The following KDM5B variants were observed in gnomAD, a reference collection of about 807,000 sequenced individuals.
KDM5B encodes lysine-specific demethylase 5B.
A neutral mutation model predicts 193.4 loss-of-function variants in KDM5B; 144 were observed. The ratio of observed to expected loss-of-function variants is 0.74; its 90% CI spans 0.65 to 0.86. The LOEUF (loss-of-function observed/expected upper bound fraction) is 0.86. KDM5B is among the 40% of genes least tolerant of loss of function. The probability of loss-of-function intolerance (pLI) is 0.00; values close to 1 mark genes in which losing one functional copy is unlikely to be tolerated. For missense variants in KDM5B, 1,833 were observed against 1,886.9 expected (o/e 0.97, Z 0.53); for synonymous variants, 668 against 682.6 (o/e 0.98, Z 0.33).
Position 202,808,144 on chromosome 1 carries a change from G to A in KDM5B, c.162C>T (p.Pro54=), listed in dbSNP as rs760290613. The change falls in exon 1 of 27, where the codon CCC becomes CCT. Residue 54 remains proline, a synonymous_variant. Transcript: ENST00000367265. ...TACAGATGCCAGTCTGCTCGGCTAT[G>A]GGCCGGATCTTGTGGATGAAAGCGA... The part of the protein sequence containing the change: ...DPFAFIHKIR[P]IAEQTGICKV... 8.1e-6 allele frequency: 13 copies of A among 1,612,954 alleles called. No individual in the cohort carries two copies. The South Asian group carries it at 1.3e-4, about 16-fold the overall frequency.
intron 12 of KDM5B, among the ~76,000 whole-genome samples, chr1:202,751,758 G>C (rs1655800761): frequency 4.6e-5 from 7 of 152,076 alleles, no homozygotes; most frequent in African/African-American, 1.7e-4. Flanking sequence ...AATGCACAAG[G>C]AGTTCATTCA....
chr1:202,729,131 G>A lies in KDM5B; in HGVS notation c.4540C>T (p.His1514Tyr). The A allele has an allele frequency of 1.9e-6, 3 of 1,614,120 alleles. No homozygotes were observed. Among genetic ancestry groups the A allele is most frequent in the Non-Finnish European group, 2.5e-6 (3 of 1,179,988 alleles). The change falls in exon 27 of 27, where the codon CAT (histidine) becomes TAT (tyrosine). Residue 1514 changes from histidine (H) to tyrosine (Y), a missense_variant. His to Tyr is a moderately conservative substitution (Grantham distance 83). Around this residue, in one of 3 missense-constraint regions of KDM5B, gnomAD observed 1,379 missense variants for 1,349.6 expected, o/e 1.02. Coordinates refer to ENST00000367265, the MANE Select transcript of KDM5B (RefSeq NM_006618.5). Reference sequence around the variant, plus strand: ...GGGGAGACACCAACACAGACCTGATGAAACCACTGATTGCAGCTGCCATCA... The same window carrying A: ...GGGGAGACACCAACACAGACCTGATAAAACCACTGATTGCAGCTGCCATCA... ...QCDGSCNQWF[H>Y]QVCVGVSPEM...
chr1:202,747,326 A>G (rs959446968), intron 14 of KDM5B, among the ~76,000 whole-genome samples: 3 of 152,182 alleles, frequency 2.0e-5, no homozygotes, highest in Admixed American at 6.5e-5. Flanking sequence ...TTAATTGAGA[A>G]TCAATCATGT....
At chr1:202,749,942 AAAAATT>A (rs780138572) in intron 13 of KDM5B, among the ~76,000 whole-genome samples, 4 of 152,254 alleles carry the variant, frequency 2.6e-5, no homozygotes, top group Non-Finnish European at 5.9e-5. Flanking sequence ...ATACAAATAT[AAAAATT>A]AAACTTTACA....
chr1:202,783,252 A>G (rs1657270402), intron 1 of KDM5B, among the ~76,000 whole-genome samples: 1 of 152,130 alleles, frequency 6.6e-6, no homozygotes, highest in Non-Finnish European at 1.5e-5. Flanking sequence ...TGGGTGACAG[A>G]GCAAGACTCT....
chr1:202,743,875 A>G (rs528528987), intron 16 of KDM5B, among the ~76,000 whole-genome samples: 40 of 152,360 alleles, frequency 2.6e-4, no homozygotes, highest in Non-Finnish European at 5.0e-4. Context: ...TGTAAAACCC[A>G]AAAATATAAA....
chr1:202,746,758 G>A (rs554815949), intron 14 of KDM5B, among the ~76,000 whole-genome samples: 1 of 152,174 alleles, frequency 6.6e-6, no homozygotes, highest in Non-Finnish European at 1.5e-5. Flanking sequence ...AAGATGGGAC[G>A]AGTGGAAAAG....
At chr1:202,804,864 T>TAAAA (rs1572790324) in intron 1 of KDM5B, among the ~76,000 whole-genome samples, 1 of 66,892 alleles carries the variant, frequency 1.5e-5, no homozygotes, top group Non-Finnish European at 3.4e-5. Context: ...AAATTCCGTC[T>TAAAA]CAAAAAAAAA....
Position 202,755,468 on chromosome 1 carries a change from C to T in KDM5B, c.1357-16G>A, listed in dbSNP as rs940209075. The T allele has an allele frequency of 1.1e-5, 17 of 1,594,636 alleles. No homozygotes were observed. The African/African-American group carries it at 1.1e-4, about 10-fold the overall frequency. On this transcript the variant is annotated splice_polypyrimidine_tract_variant and intron_variant, in intron 10 of 26. Transcript: ENST00000367265. ...CAAGATACTCCTAAAAATAAGAAGA[C>T]AAAAGAGGATAAAGGTTTAGCTATA... is the stretch of plus-strand genomic sequence containing the variant.
intron 1 of KDM5B, among the ~76,000 whole-genome samples, chr1:202,799,342 A>G (rs1416331431): frequency 6.6e-6 from 1 of 152,206 alleles, no homozygotes; most frequent in African/African-American, 2.4e-5. Context: ...TTTACATAAT[A>G]GAGGAACTGG....
chr1:202,733,170 A>G (rs1264520404), intron 23 of KDM5B, among the ~76,000 whole-genome samples: 2 of 152,230 alleles, frequency 1.3e-5, no homozygotes, highest in Admixed American at 6.5e-5. Flanking sequence ...AAAGCTAAAT[A>G]TGTGCTCTAT....
intron 5 of KDM5B, among the ~76,000 whole-genome samples, chr1:202,766,232 G>GA (rs1656451654): frequency 6.6e-6 from 1 of 152,190 alleles, no homozygotes; most frequent in Non-Finnish European, 1.5e-5. Context: ...GAGGCTGGGT[G>GA]AGATGGCTCA....
intron 1 of KDM5B, among the ~76,000 whole-genome samples, chr1:202,781,296 G>C (rs1350527732): frequency 6.6e-6 from 1 of 152,132 alleles, no homozygotes; most frequent in Non-Finnish European, 1.5e-5. Flanking sequence ...CACGAACCTA[G>C]CTCTAAAATA....
At position 202,741,357 on chromosome 1, in the gene KDM5B, G is replaced by A. The variant is rs755959149; in HGVS notation, c.2945+10C>T. ...AACCTTCCCAAAGAAAGAGAAGTCT[G>A]CTTTTTCACCTGGCCTTGAGGAGAC... On this transcript the variant is annotated intron_variant, in intron 19 of 26. Transcript: ENST00000367265. 5.4e-5 allele frequency: 82 copies of A among 1,512,510 alleles called. No individual in the cohort carries two copies. Among genetic ancestry groups the A allele is most frequent in the Non-Finnish European group, 7.3e-5 (82 of 1,129,780 alleles). 93.7% of individuals were successfully genotyped at this position (1,512,510 alleles called of 1,614,324 possible).
chr1:202,760,291 G>A (rs1656196464), intron 8 of KDM5B, 124 bp downstream of exon 8: 9 of 666,490 alleles, frequency 1.4e-5, no homozygotes, highest in Non-Finnish European at 2.2e-5. Flanking sequence ...ACTCCAGCCT[G>A]GGCAACAAAG....
rs1654995376 is a variant in KDM5B at position 202,733,902 on chromosome 1, C to T, written c.3424-16G>A. On this transcript the variant is annotated splice_polypyrimidine_tract_variant and intron_variant, in intron 22 of 26. Coordinates refer to ENST00000367265, the MANE Select transcript of KDM5B (RefSeq NM_006618.5). ...GAGTTGCCATCTGAAAAAGAGTTAA[C>T]AATCAAGGATGATGTCCGAGATGGC... 4 of 1,594,614 alleles carry T rather than the reference C, an allele frequency of 2.5e-6. No individual in the cohort carries two copies. Among genetic ancestry groups the T allele is most frequent in the Non-Finnish European group, 2.6e-6 (3 of 1,170,644 alleles).
rs769638696 is a variant in KDM5B, at chr1:202,749,025, C to T, written c.1936G>A (p.Val646Ile). The T allele has an allele frequency of 1.1e-5, 17 of 1,613,980 alleles. No homozygotes were observed. Among genetic ancestry groups the T allele is most frequent in the Non-Finnish European group, 1.4e-5 (17 of 1,179,996 alleles). Residue 646 changes from valine (V) to isoleucine (I), a missense_variant, in exon 14 of 27, where the codon GTA becomes ATA. Coordinates refer to ENST00000367265, the MANE Select transcript of KDM5B (RefSeq NM_006618.5). ...TCTTTCTGAACAGTTGAAGCCACTA[C>T]AACATCTAATACATCAGCCTTGGAA... ...MASKADVLDV[V>I]VASTVQKDMA...
chr1:202,748,772 C>T (rs1655670960), intron 14 of KDM5B, among the ~76,000 whole-genome samples, 173 bp downstream of exon 14: 1 of 151,800 alleles, frequency 6.6e-6, no homozygotes, highest in South Asian at 2.1e-4. Context: ...GTACATGTGG[C>T]AAATAAGATA....
intron 7 of KDM5B, among the ~76,000 whole-genome samples, chr1:202,762,454 C>A (rs2102275543): frequency 6.6e-6 from 1 of 152,262 alleles, no homozygotes; most frequent in African/African-American, 2.4e-5. Context: ...GAATGTATTC[C>A]AGAAAATCGC....
Sources: gnomAD v4.1 joint callset for allele counts (sites outside exome capture counted in the v4.1 genomes callset) on GRCh38, gnomAD v4.1.1 for gene constraint, gnomAD v4.1.1 regional missense constraint, MANE v1.5 for transcripts, NCBI Gene and HGNC (gene_info 2026-07-23, HGNC 2026-07-21) for gene names.